ANKRD55: variants seen among roughly 807,000 people sequenced by gnomAD.
The protein encoded by ANKRD55 is ankyrin repeat domain 55.
ANKRD55 carries 41 observed loss-of-function variants against 60.6 expected under a neutral mutation model. The ratio of observed to expected loss-of-function variants is 0.68; its 90% CI spans 0.53 to 0.88. The LOEUF (loss-of-function observed/expected upper bound fraction) is 0.88, where lower values mean the gene tolerates loss of function less well. ANKRD55 is among the 40% of genes least tolerant of loss of function. ANKRD55 has a pLI of 0.00. For synonymous variants in ANKRD55, 264 were observed against 290.3 expected, an observed-to-expected ratio of 0.91 and a Z score of 0.92; for missense variants, 732 against 767.6, an observed-to-expected ratio of 0.95 and a Z score of 0.55.
rs1756944475 is a variant in ANKRD55 at position 56,118,528 on chromosome 5, G to C, written c.798-1746C>G. ...AGTCTCAGCTACTTGGGAGGCTGAG[G>C]CAGGAGAATGGTGTGAACCGGGGAG... On this transcript the variant is annotated intron_variant, in intron 8 of 11. Transcript: ENST00000341048. 5.9e-5 allele frequency among the ~76,000 whole-genome samples: 9 copies of C among 152,100 alleles called. No individual in the cohort carries two copies. In the South Asian group the frequency reaches 1.9e-3, roughly 32 times the overall value.
chr5:56,188,114 T>C (rs541129647), intron 2 of ANKRD55, among the ~76,000 whole-genome samples: 1 of 152,296 alleles, frequency 6.6e-6, no homozygotes, highest in South Asian at 2.1e-4. Flanking sequence ...GGGCAGAACA[T>C]GTGGCTTAGA....
chr5:56,177,542 A>C (rs1758761876), intron 3 of ANKRD55, among the ~76,000 whole-genome samples: 1 of 152,028 alleles, frequency 6.6e-6, no homozygotes, highest in Admixed American at 6.6e-5. Context: ...TTTGGGAGGC[A>C]GAGGTGGGCA....
At chr5:56,204,887 C>T (rs1466912883) in intron 2 of ANKRD55, among the ~76,000 whole-genome samples, 1 of 152,200 alleles carries the variant, frequency 6.6e-6, no homozygotes, top group African/African-American at 2.4e-5. Flanking sequence ...CTCTCACTTT[C>T]CAGGAATGGC....
intron 7 of ANKRD55, chr5:56,127,650 T>C (rs991662825): frequency 1.2e-6 from 1 of 811,366 alleles, no homozygotes; most frequent in Non-Finnish European, 1.5e-6. Flanking sequence ...GAAGCAGAAC[T>C]GTCTGAGCAG....
intron 3 of ANKRD55, among the ~76,000 whole-genome samples, chr5:56,176,824 G>A (rs2111823158): frequency 1.3e-5 from 2 of 152,226 alleles, no homozygotes; most frequent in East Asian, 3.9e-4. Flanking sequence ...TTTTCTTTCT[G>A]AATAAAAATA....
At chr5:56,111,962 C>T (rs1315111210) in intron 9 of ANKRD55, among the ~76,000 whole-genome samples, 180 bp from the exon 10 acceptor site, 7 of 152,170 alleles carry the variant, frequency 4.6e-5, no homozygotes. Context: ...CCCTGGCAAT[C>T]CCGCCCAGAA....
At chr5:56,233,098 C>T in intron 1 of ANKRD55, 143 bp downstream of exon 1, 2 of 610,052 alleles carry the variant, frequency 3.3e-6, no homozygotes, top group South Asian at 2.0e-5. Flanking sequence ...AAATGCTATT[C>T]CTGTAAATAC....
At position 56,232,939 on chromosome 5, in the gene ANKRD55, C is replaced by A. The variant is rs893572623; in HGVS notation, c.-26G>T. ...TTACCATCAGAATGGCAAAAAGCATCCAGGTCTCTAGAGAGGAGAAAACAC... is the reference window on the plus strand; with the variant it reads ...TTACCATCAGAATGGCAAAAAGCATACAGGTCTCTAGAGAGGAGAAAACAC... On this transcript the variant is annotated 5_prime_UTR_variant, in exon 2 of 12. Transcript: ENST00000341048. The A allele has an allele frequency of 6.2e-7, 1 of 1,611,620 alleles. No individual in the cohort carries two copies. Among genetic ancestry groups the A allele is most frequent in the South Asian group, 1.1e-5 (1 of 90,992 alleles).
intron 9 of ANKRD55, among the ~76,000 whole-genome samples, chr5:56,112,978 T>C (rs1756777660): frequency 1.3e-5 from 2 of 152,336 alleles, no homozygotes; most frequent in South Asian, 2.1e-4. Context: ...AATGGGCTTT[T>C]TGAAATACTG....
intron 2 of ANKRD55, among the ~76,000 whole-genome samples, chr5:56,231,690 CACACACAT>C (rs1381289574): frequency 4.1e-5 from 6 of 146,098 alleles, no homozygotes; most frequent in African/African-American, 1.0e-4. Flanking sequence ...CACACACACA[CACACACAT>C]ACACATACAC....
chr5:56,176,358 C>A, intron 3 of ANKRD55, 76 bp from the exon 4 acceptor site: 2 of 1,569,788 alleles, frequency 1.3e-6, no homozygotes, highest in South Asian at 2.2e-5. Flanking sequence ...TTGGCCTGTT[C>A]ATTTATTTTG....
intron 3 of ANKRD55, among the ~76,000 whole-genome samples, 163 bp downstream of exon 3, chr5:56,183,349 C>G (rs1047079378): frequency 4.6e-5 from 7 of 152,298 alleles, no homozygotes; most frequent in African/African-American, 1.7e-4. Flanking sequence ...AAAACAAACT[C>G]AAACTGATGA....
rs558696556 is a variant in ANKRD55 at position 56,120,682 on chromosome 5, G to A, written c.798-3900C>T. ...TGGGAGGCCAAGGCAGGCGGATCAC[G>A]AGGTCAGGAGATCGAGACCATCCTG... On this transcript the variant is annotated intron_variant, in intron 8 of 11. Coordinates refer to ENST00000341048, the MANE Select transcript of ANKRD55 (RefSeq NM_024669.3). Among the ~76,000 whole-genome samples, 4 of 151,974 alleles carry A rather than the reference G, an allele frequency of 2.6e-5. No individual in the cohort carries two copies. The East Asian group carries it at 5.8e-4, about 22-fold the overall frequency.
At chr5:56,145,864 T>G (rs1035397286) in intron 6 of ANKRD55, among the ~76,000 whole-genome samples, 9 of 152,188 alleles carry the variant, frequency 5.9e-5, no homozygotes, top group African/African-American at 2.2e-4. Context: ...TGAAAAACAA[T>G]GCTGGTATAA....
intron 5 of ANKRD55, among the ~76,000 whole-genome samples, chr5:56,160,414 A>AT (rs1169301292): frequency 6.6e-6 from 1 of 151,786 alleles, no homozygotes; most frequent in Non-Finnish European, 1.5e-5. Flanking sequence ...AATTTTTTCT[A>AT]TTTTTTAGTA....
At chr5:56,193,367 C>A in intron 2 of ANKRD55, 1 of 739,544 alleles carries the variant, frequency 1.4e-6, no homozygotes, top group South Asian at 1.5e-5. Flanking sequence ...TTCAGAACAC[C>A]ATTTAATAAA....
Position 56,100,263 on chromosome 5 carries a change from C to T in ANKRD55, c.1765G>A (p.Ala589Thr). ...CTGTGTCTTCGTTGACTTGGAATTG[C>T]AGGAAGCACTCGGTTTGTCCGCAGA... Reference protein sequence around the residue: ...EPLRTNRVLPAIPSQRRHSTA... With the variant: ...EPLRTNRVLPTIPSQRRHSTA... The change falls in exon 12 of 12, where the codon GCA (alanine) becomes ACA (threonine). Residue 589 changes from alanine to threonine, a missense_variant. Coordinates refer to ENST00000341048, the MANE Select transcript of ANKRD55 (RefSeq NM_024669.3). 1 of 1,614,144 alleles carries T rather than the reference C, an allele frequency of 6.2e-7. No homozygotes were observed.
chr5:56,105,250 CTAA>C (rs1756422964), intron 10 of ANKRD55, among the ~76,000 whole-genome samples: 1 of 152,098 alleles, frequency 6.6e-6, no homozygotes, highest in South Asian at 2.1e-4. Flanking sequence ...CCACACCAGG[CTAA>C]TTTTTGTATT....
chr5:56,194,118 C>A (rs755588014), intron 2 of ANKRD55, among the ~76,000 whole-genome samples: 2 of 152,028 alleles, frequency 1.3e-5, no homozygotes, highest in Non-Finnish European at 2.9e-5. Flanking sequence ...GAGATTGAGA[C>A]CACCCTGGCC....
Sources: gnomAD v4.1 joint callset for allele counts (sites outside exome capture counted in the v4.1 genomes callset) on GRCh38, gnomAD v4.1.1 for gene constraint, MANE v1.5 for transcripts, NCBI Gene and HGNC (gene_info 2026-07-23, HGNC 2026-07-21) for gene names.